Variants in GPHN observed in about 807,000 individuals in gnomAD.
GPHN encodes the protein gephyrin.
GPHN carries 17 observed loss-of-function variants against 95.5 expected under a neutral mutation model. The ratio of observed to expected loss-of-function variants is 0.18; its 90% CI spans 0.12 to 0.27. The LOEUF (loss-of-function observed/expected upper bound fraction) is 0.27. GPHN is among the 10% of genes least tolerant of loss of function. The probability of loss-of-function intolerance (pLI) is 1.00; values close to 1 mark genes in which losing one functional copy is unlikely to be tolerated. For missense variants in GPHN, 660 were observed against 978.1 expected (o/e 0.67, Z 4.34); for synonymous variants, 320 against 322.5 (o/e 0.99, Z 0.08).
chr14:67,238,337 C>G, the GPHN span, among the ~76,000 whole-genome samples: 1 of 149,108 alleles, frequency 6.7e-6, no homozygotes. Flanking sequence ...GACACAATCA[C>G]AGCTCACTGC....
chr14:66,618,139 T>C (rs947305951), intron 1 of GPHN, among the ~76,000 whole-genome samples: 1 of 152,212 alleles, frequency 6.6e-6, no homozygotes, highest in Non-Finnish European at 1.5e-5. Flanking sequence ...TCTAGTACAA[T>C]ATTGAATAGA....
chr14:67,092,421 A>G (rs1183460348), intron 12 of GPHN, among the ~76,000 whole-genome samples: 1 of 151,522 alleles, frequency 6.6e-6, no homozygotes, highest in Non-Finnish European at 1.5e-5. Context: ...GATTCTCCCT[A>G]TTTTCTTCTC....
chr14:67,096,724 C>T (rs182103740), intron 12 of GPHN, among the ~76,000 whole-genome samples: 8 of 114,546 alleles, frequency 7.0e-5, no homozygotes, highest in African/African-American at 2.7e-4. Flanking sequence ...CCACCCGGTT[C>T]TCAAGCCATC....
the GPHN span, chr14:67,692,230 T>A: frequency 1.8e-6 from 1 of 555,556 alleles, no homozygotes; most frequent in Non-Finnish European, 3.2e-6. Context: ...CTCACTGCTA[T>A]GACGTTTTGA....
intron 19 of GPHN, among the ~76,000 whole-genome samples, chr14:67,164,204 G>C (rs1003573650): frequency 7.2e-6 from 1 of 138,580 alleles, no homozygotes; most frequent in South Asian, 2.3e-4. Flanking sequence ...GGAGGCGGGG[G>C]TTGCCGTGAG....
chr14:66,655,548 GGA>G (rs2065256192), intron 1 of GPHN, among the ~76,000 whole-genome samples: 1 of 151,796 alleles, frequency 6.6e-6, no homozygotes, highest in African/African-American at 2.4e-5. Flanking sequence ...TTGCAAATAG[GGA>G]CAGTTTATCT....
chr14:66,641,511 T>A (rs1274834265), intron 1 of GPHN, among the ~76,000 whole-genome samples: 1 of 152,138 alleles, frequency 6.6e-6, no homozygotes, highest in Admixed American at 6.6e-5. Context: ...CTATCCTAAA[T>A]CTGCATGCAC....
chr14:67,192,967 G>A, the GPHN span, among the ~76,000 whole-genome samples: 19 of 140,002 alleles, frequency 1.4e-4, no homozygotes, highest in African/African-American at 4.5e-4. Flanking sequence ...TCTATATATC[G>A]ATATCTAGAT....
chr14:67,539,595 T>C, the GPHN span, among the ~76,000 whole-genome samples: 1 of 152,228 alleles, frequency 6.6e-6, no homozygotes, highest in African/African-American at 2.4e-5. Context: ...TTCATCCTTG[T>C]GCTAAGGCTT....
At chr14:67,303,739 C>A in the GPHN span, 3 of 669,058 alleles carry the variant, frequency 4.5e-6, no homozygotes, top group South Asian at 3.9e-5. Flanking sequence ...TATGAAATAT[C>A]AATGTTTTAA....
intron 10 of GPHN, among the ~76,000 whole-genome samples, chr14:67,027,236 G>A (rs1393749390): frequency 3.3e-5 from 5 of 151,978 alleles, no homozygotes; most frequent in Non-Finnish European, 4.4e-5. Context: ...TTATTTTTAC[G>A]AATAACTGGT....
chr14:67,105,707 C>G (rs2077995463), intron 13 of GPHN, among the ~76,000 whole-genome samples: 1 of 152,090 alleles, frequency 6.6e-6, no homozygotes, highest in South Asian at 2.1e-4. Context: ...TCTTCACTTT[C>G]AGTCTATATC....
chr14:66,616,616 G>C (rs2063048966), intron 1 of GPHN, among the ~76,000 whole-genome samples: 1 of 152,106 alleles, frequency 6.6e-6, no homozygotes. Context: ...TGACCTTGAG[G>C]GGCACCAGCC....
At chr14:66,512,158 T>G (rs916985996) in intron 1 of GPHN, among the ~76,000 whole-genome samples, 6 of 151,902 alleles carry the variant, frequency 3.9e-5, no homozygotes, top group African/African-American at 1.4e-4. Context: ...GTGGTGCAGA[T>G]GTAGAATTTT....
At chr14:67,476,697 C>T in the GPHN span, among the ~76,000 whole-genome samples, 1 of 152,158 alleles carries the variant, frequency 6.6e-6, no homozygotes, top group African/African-American at 2.4e-5. Context: ...TTATTTACCC[C>T]ATATCCCAGG....
intron 4 of GPHN, among the ~76,000 whole-genome samples, chr14:66,825,600 T>C (rs937992658): frequency 1.3e-5 from 2 of 152,200 alleles, no homozygotes; most frequent in Non-Finnish European, 2.9e-5. Context: ...GTGATGCAGA[T>C]GTTGTCGTTG....
At chr14:67,359,827 T>C in the GPHN span, 1 of 1,050,870 alleles carries the variant, frequency 9.5e-7, no homozygotes, top group Non-Finnish European at 1.4e-6. Context: ...CTCTTGTTGC[T>C]AAGAGGCAGC....
intron 2 of GPHN, among the ~76,000 whole-genome samples, chr14:66,751,493 T>G (rs2153447943): frequency 6.6e-6 from 1 of 152,270 alleles, no homozygotes; most frequent in East Asian, 1.9e-4. Flanking sequence ...TGTCTTCTTT[T>G]GAGAAGTGTC....
At chr14:67,620,176 G>A in the GPHN span, 2 of 928,580 alleles carry the variant, frequency 2.2e-6, no homozygotes, top group Non-Finnish European at 3.2e-6. Flanking sequence ...GGGACCGGGA[G>A]GCGAGGAGAG....
Sources: allele counts gnomAD v4.1 joint callset (sites outside exome capture counted in the v4.1 genomes callset), GRCh38; gene constraint gnomAD v4.1.1; transcripts MANE v1.5; gene names NCBI Gene and HGNC (gene_info 2026-07-23, HGNC 2026-07-21).